Variants in WDR93 observed in about 807,000 individuals in gnomAD.
WDR93 encodes WD repeat-containing protein 93.
WDR93 carries 73 observed loss-of-function variants against 82.9 expected under a neutral mutation model. The observed-to-expected ratio is 0.88, with a 90% CI of 0.73 to 1.07. The LOEUF is 1.07. Ranked by LOEUF, WDR93 falls within the 50% of genes least tolerant of loss-of-function variation. WDR93 has a pLI of 0.00. For synonymous variants in WDR93, 283 were observed against 300.1 expected, an observed-to-expected ratio of 0.94 and a Z score of 0.59; for missense variants, 738 against 826.0, an observed-to-expected ratio of 0.89 and a Z score of 1.31.
intron 1 of WDR93, among the ~76,000 whole-genome samples, chr15:89,692,223 GAGA>G (rs767794281): frequency 6.6e-6 from 1 of 152,204 alleles, no homozygotes; most frequent in Non-Finnish European, 1.5e-5. Context: ...GGTGAAAGCT[GAGA>G]AGGGCTCATG....
chr15:89,695,334 G>A (rs11858212), intron 1 of WDR93, among the ~76,000 whole-genome samples: 65,973 of 151,596 alleles, frequency 0.44, 14,755 homozygotes, highest in African/African-American at 0.5. Context: ...TTTTCAGTAT[G>A]TGGGTGGGTG....
intron 16 of WDR93, among the ~76,000 whole-genome samples, chr15:89,743,084 G>T (rs1161085583): frequency 6.6e-6 from 1 of 152,168 alleles, no homozygotes; most frequent in Non-Finnish European, 1.5e-5. Flanking sequence ...CACCTCACAG[G>T]TAAGAATGCT....
Position 89,733,092 on chromosome 15 carries a change from C to T in WDR93, c.1417C>T (p.Gln473Ter). ...AAAATATTTCTCGGTCCACAAAGGACAGAATATGTATCCTGAAGGTCAAGT... is the reference window on the plus strand; with the variant it reads ...AAAATATTTCTCGGTCCACAAAGGATAGAATATGTATCCTGAAGGTCAAGT... ...FLKYFSVHKG[Q>*]NMYPEGQVKS... Residue 473 changes from glutamine (Q) to a stop codon, truncating the protein, a stop_gained, in exon 13 of 17, where the codon CAG (glutamine) becomes TAG (stop). Coordinates refer to ENST00000268130, the MANE Select transcript of WDR93 (RefSeq NM_020212.2). LOFTEE classifies it high-confidence loss of function. The T allele has an allele frequency of 6.2e-7, 1 of 1,614,204 alleles. No homozygotes were observed. The highest frequency in any genetic ancestry group is 8.5e-7 in the Non-Finnish European group (1 of 1,180,032).
chr15:89,716,995 T>A, intron 7 of WDR93, 46 bp downstream of exon 7: 1 of 1,159,712 alleles, frequency 8.6e-7, no homozygotes, highest in Middle Eastern at 2.9e-4. Flanking sequence ...AAGTTTGTAT[T>A]TTAGAGATTT....
At chr15:89,709,657 G>C (rs1049699529) in intron 4 of WDR93, among the ~76,000 whole-genome samples, 4 of 151,962 alleles carry the variant, frequency 2.6e-5, no homozygotes, top group African/African-American at 7.2e-5. Context: ...TCGCCATGTT[G>C]CCCAGACTGG....
intron 1 of WDR93, among the ~76,000 whole-genome samples, chr15:89,691,688 C>T (rs1032373945): frequency 6.6e-6 from 1 of 152,054 alleles, no homozygotes; most frequent in African/African-American, 2.4e-5. Context: ...CCACTGCTTT[C>T]CAGCCTGGGC....
In WDR93 at chr15:89,737,713, A is replaced by C; in HGVS notation, c.1749A>C (p.Pro583=). ...KPVFAVSPDH[P]CFLLRGDYSH... ...TGTTTGCTGTGTCTCCAGACCATCC[A>C]TGTTTCCTGCTCCGAGGTACAGAAA... The change falls in exon 15 of 17, where the codon CCA becomes CCC. Residue 583 remains proline, a synonymous_variant. Transcript: ENST00000268130. The C allele has an allele frequency of 6.2e-7, 1 of 1,614,140 alleles. No individual in the cohort carries two copies. The highest frequency in any genetic ancestry group is 8.5e-7 in the Non-Finnish European group (1 of 1,180,018).
At chr15:89,729,183 A>C in intron 10 of WDR93, 90 bp downstream of exon 10, 1 of 1,213,768 alleles carries the variant, frequency 8.2e-7, no homozygotes. Flanking sequence ...TTCCCCAACA[A>C]ACCTCGCATG....
upstream of WDR93, chr15:89,690,478 C>G: frequency 1.2e-6 from 1 of 838,632 alleles, no homozygotes; most frequent in Middle Eastern, 2.3e-4. Context: ...CTGCTTCCAT[C>G]TACTAGGCTA....
chr15:89,716,471 T>C (rs144609294), intron 6 of WDR93, among the ~76,000 whole-genome samples: 23 of 152,356 alleles, frequency 1.5e-4, no homozygotes, highest in African/African-American at 5.0e-4. Flanking sequence ...CTCACCATAA[T>C]TCACTTCTTT....
chr15:89,697,164 G>C (rs1965221345), intron 1 of WDR93, among the ~76,000 whole-genome samples: 1 of 151,978 alleles, frequency 6.6e-6, no homozygotes, highest in Admixed American at 6.6e-5. Context: ...TCACTGTGTT[G>C]CTTAGACTGG....
chr15:89,695,664 TCTC>T (rs1358098241), intron 1 of WDR93, among the ~76,000 whole-genome samples: 1 of 152,226 alleles, frequency 6.6e-6, no homozygotes, highest in African/African-American at 2.4e-5. Context: ...ACCACCTTGC[TCTC>T]CTCATTTATT....
chr15:89,737,509 C>A, intron 14 of WDR93, 64 bp from the exon 15 acceptor site: 1 of 1,601,830 alleles, frequency 6.2e-7, no homozygotes, highest in Non-Finnish European at 8.5e-7. Flanking sequence ...GTGACCTCTA[C>A]ACGACCTTCC....
intron 16 of WDR93, among the ~76,000 whole-genome samples, chr15:89,741,467 A>T (rs977158163): frequency 5.3e-5 from 8 of 152,034 alleles, no homozygotes; most frequent in Non-Finnish European, 1.2e-4. Flanking sequence ...GGCTCAAGTG[A>T]CCCTCCCACC....
chr15:89,725,036 A>G (rs1390608321), intron 8 of WDR93, among the ~76,000 whole-genome samples: 1 of 152,148 alleles, frequency 6.6e-6, no homozygotes, highest in Non-Finnish European at 1.5e-5. Context: ...CAGTGCTAAA[A>G]CTAGGAAACT....
At chr15:89,699,371 C>T (rs1475763531) in intron 1 of WDR93, among the ~76,000 whole-genome samples, 1 of 152,046 alleles carries the variant, frequency 6.6e-6, no homozygotes, top group African/African-American at 2.4e-5. Flanking sequence ...TGGTTTCCTT[C>T]AATAAGTCTG....
intron 9 of WDR93, among the ~76,000 whole-genome samples, chr15:89,727,747 TA>T (rs1425630332): frequency 6.6e-6 from 1 of 152,202 alleles, no homozygotes; most frequent in African/African-American, 2.4e-5. Flanking sequence ...ATGACAGCTC[TA>T]AAAATTTTTT....
intron 4 of WDR93, among the ~76,000 whole-genome samples, chr15:89,707,515 C>T (rs983710295): frequency 1.3e-5 from 2 of 152,164 alleles, no homozygotes; most frequent in Non-Finnish European, 2.9e-5. Flanking sequence ...CACCACTACA[C>T]TCCAGCCTGG....
chr15:89,702,143 G>A (rs755678228), intron 2 of WDR93, 94 bp downstream of exon 2: 2 of 1,366,052 alleles, frequency 1.5e-6, no homozygotes, highest in Non-Finnish European at 2.0e-6. Context: ...CTACTAGAAA[G>A]CTGCATTCAA....
Sources: allele counts gnomAD v4.1 joint callset (sites outside exome capture counted in the v4.1 genomes callset), GRCh38; gene constraint gnomAD v4.1.1; transcripts MANE v1.5; gene names NCBI Gene and HGNC (gene_info 2026-07-23, HGNC 2026-07-21).